GRIK2: variants seen among roughly 807,000 people sequenced by gnomAD.
The protein encoded by GRIK2 is glutamate ionotropic receptor kainate type subunit 2.
A neutral mutation model predicts 100.3 loss-of-function variants in GRIK2; 32 were observed. The observed-to-expected ratio is 0.32, with a 90% CI of 0.24 to 0.43. The LOEUF is 0.43. GRIK2 is among the 20% of genes least tolerant of loss of function. The pLI is 1.00. For missense variants in GRIK2, 843 were observed against 1,114.9 expected (o/e 0.76, Z 3.47); for synonymous variants, 417 against 389.4 (o/e 1.07, Z -0.83).
intron 2 of GRIK2, among the ~76,000 whole-genome samples, chr6:101,597,039 A>G (rs1340648443): frequency 6.6e-6 from 1 of 151,924 alleles, no homozygotes; most frequent in Admixed American, 6.6e-5. Flanking sequence ...TACATATACA[A>G]CATAAAATAC....
At chr6:101,959,139 C>G (rs1792126228) in intron 14 of GRIK2, among the ~76,000 whole-genome samples, 1 of 151,964 alleles carries the variant, frequency 6.6e-6, no homozygotes, top group African/African-American at 2.4e-5. Context: ...TAAAATTGAT[C>G]AATTTTATAG....
intron 12 of GRIK2, among the ~76,000 whole-genome samples, chr6:101,905,972 G>A (rs1788192139): frequency 6.6e-6 from 1 of 151,492 alleles, no homozygotes; most frequent in East Asian, 1.9e-4. Context: ...AGCAACTAAA[G>A]AAAATATGCT....
intron 2 of GRIK2, among the ~76,000 whole-genome samples, chr6:101,535,043 C>A (rs1358002158): frequency 2.0e-5 from 3 of 151,524 alleles, no homozygotes; most frequent in Admixed American, 2.0e-4. Flanking sequence ...TGACTAAAAG[C>A]AAAGTAGTTT....
chr6:101,904,894 A>C (rs1788120309), intron 12 of GRIK2, among the ~76,000 whole-genome samples: 1 of 151,548 alleles, frequency 6.6e-6, no homozygotes, highest in Non-Finnish European at 1.5e-5. Context: ...TTTCATCCAC[A>C]GTTGTGAAAC....
At chr6:101,636,192 TC>T (rs1229836814) in intron 4 of GRIK2, among the ~76,000 whole-genome samples, 1 of 152,178 alleles carries the variant, frequency 6.6e-6, no homozygotes, top group Non-Finnish European at 1.5e-5. Context: ...TGAGTTCATG[TC>T]CTTTGCAGGG....
At chr6:101,759,099 T>G (rs1777320769) in intron 7 of GRIK2, among the ~76,000 whole-genome samples, 1 of 152,222 alleles carries the variant, frequency 6.6e-6, no homozygotes, top group South Asian at 2.1e-4. Context: ...CATTTTTGCA[T>G]ATCAAGTAGC....
chr6:101,529,627 T>C (rs1775327004), intron 2 of GRIK2, among the ~76,000 whole-genome samples: 1 of 152,098 alleles, frequency 6.6e-6, no homozygotes, highest in South Asian at 2.1e-4. Context: ...ATGTTTATAA[T>C]GTGCGAGGCA....
chr6:102,045,607 T>C (rs2114471291), intron 15 of GRIK2, among the ~76,000 whole-genome samples: 1 of 151,934 alleles, frequency 6.6e-6, no homozygotes, highest in Non-Finnish European at 1.5e-5. Context: ...AGAAAAAAAA[T>C]GTACTAAAGA....
chr6:102,003,034 A>G (rs1364324549), intron 14 of GRIK2, among the ~76,000 whole-genome samples: 1 of 151,498 alleles, frequency 6.6e-6, no homozygotes, highest in African/African-American at 2.4e-5. Context: ...TTATTTTTAA[A>G]CTTTCTTTGT....
chr6:102,050,684 AAG>A (rs1411754304), intron 15 of GRIK2, among the ~76,000 whole-genome samples: 1 of 150,964 alleles, frequency 6.6e-6, no homozygotes, highest in African/African-American at 2.4e-5. Context: ...AAGAAATAAA[AAG>A]AGAGTACAGG....
At chr6:101,457,589 A>G (rs1026095763) in intron 2 of GRIK2, among the ~76,000 whole-genome samples, 1 of 152,168 alleles carries the variant, frequency 6.6e-6, no homozygotes, top group African/African-American at 2.4e-5. Context: ...CTAAAAATAA[A>G]TGTTCATTTT....
At chr6:101,478,467 T>C (rs1483568006) in intron 2 of GRIK2, among the ~76,000 whole-genome samples, 1 of 151,002 alleles carries the variant, frequency 6.6e-6, no homozygotes, top group Non-Finnish European at 1.5e-5. Context: ...AGTTACATTA[T>C]ATACAAAGGA....
intron 14 of GRIK2, among the ~76,000 whole-genome samples, chr6:101,999,292 A>G (rs1034781983): frequency 6.6e-6 from 1 of 152,112 alleles, no homozygotes; most frequent in African/African-American, 2.4e-5. Flanking sequence ...TGAAAATTTC[A>G]TTGGAATGTC....
intron 7 of GRIK2, among the ~76,000 whole-genome samples, chr6:101,741,562 A>G (rs1776033469): frequency 6.6e-6 from 1 of 152,160 alleles, no homozygotes; most frequent in Non-Finnish European, 1.5e-5. Flanking sequence ...GTATTTTTTT[A>G]AAAGGGCATC....
intron 4 of GRIK2, among the ~76,000 whole-genome samples, chr6:101,667,905 A>C (rs1770147971): frequency 6.6e-6 from 1 of 152,158 alleles, no homozygotes; most frequent in Admixed American, 6.6e-5. Context: ...TTCTTGGCAC[A>C]GTGCTTCATT....
intron 2 of GRIK2, among the ~76,000 whole-genome samples, chr6:101,543,321 G>A (rs539642880): frequency 6.6e-6 from 1 of 152,130 alleles, no homozygotes; most frequent in Non-Finnish European, 1.5e-5. Context: ...ACTTAGTGAG[G>A]CTTTTCTTTT....
chr6:101,971,798 C>A (rs900449213), intron 14 of GRIK2, among the ~76,000 whole-genome samples: 1 of 151,868 alleles, frequency 6.6e-6, no homozygotes, highest in Admixed American at 6.6e-5. Flanking sequence ...ATCTTTATGA[C>A]CATGTATACT....
At chr6:102,039,118 G>T (rs750021599) in intron 15 of GRIK2, among the ~76,000 whole-genome samples, 8 of 151,284 alleles carry the variant, frequency 5.3e-5, no homozygotes, top group Non-Finnish European at 8.9e-5. Context: ...ATTCATTTAG[G>T]GGCCTCCCCA....
intron 10 of GRIK2, 86 bp downstream of exon 10, chr6:101,818,569 A>G (rs945313739): frequency 2.8e-6 from 2 of 712,322 alleles, no homozygotes; most frequent in African/African-American, 1.8e-5. Flanking sequence ...TGGAACAGCA[A>G]TGAACAGAAT....
Sources: gnomAD v4.1 joint callset for allele counts (sites outside exome capture counted in the v4.1 genomes callset) on GRCh38, gnomAD v4.1.1 for gene constraint, MANE v1.5 for transcripts, NCBI Gene and HGNC (gene_info 2026-07-23, HGNC 2026-07-21) for gene names.